The following EBF1 variants were observed in gnomAD, a reference collection of about 807,000 sequenced individuals.
EBF1 encodes transcription factor COE1.
In EBF1, 10 loss-of-function variants were observed where a neutral mutation model predicts 68.4. That is an observed-to-expected ratio of 0.15 (90% CI 0.09 to 0.25). EBF1 has a LOEUF of 0.25. Among genes scored for constraint, EBF1 ranks in the 10% least tolerant of loss-of-function variants. The pLI is 1.00. For missense variants in EBF1, 509 were observed against 794.4 expected (o/e 0.64, Z 4.32); for synonymous variants, 298 against 299.8 (o/e 0.99, Z 0.06).
At chr5:159,046,113 A>G (rs1408179823) in intron 6 of EBF1, among the ~76,000 whole-genome samples, 7 of 152,044 alleles carry the variant, frequency 4.6e-5, no homozygotes, top group East Asian at 1.9e-4. Flanking sequence ...GTCTAACTCA[A>G]ATATCCCTTC....
chr5:159,078,748 T>A (rs1422576309), intron 5 of EBF1, among the ~76,000 whole-genome samples: 4 of 152,210 alleles, frequency 2.6e-5, no homozygotes, highest in Admixed American at 2.0e-4. Flanking sequence ...GTACCTACAC[T>A]ACGGACCGAA....
rs950245 is a variant in EBF1 at position 158,765,340 on chromosome 5, C to T, written c.1036+12073G>A. On this transcript the variant is annotated intron_variant, in intron 10 of 15. Coordinates refer to ENST00000313708, the MANE Select transcript of EBF1 (RefSeq NM_024007.5). The stretch of plus-strand genomic sequence containing the variant: ...CTACAAGCTCAAAGAGTCATCCTGG[C>T]CTCATTGACTATTTTAAAAATCAAT... Among the ~76,000 whole-genome samples the T allele has an allele frequency of 5.9e-3, 904 of 152,200 alleles. 12 individuals carry two copies. The highest frequency in any genetic ancestry group is 0.021 in the African/African-American group (862 of 41,528).
chr5:158,738,854 T>C (rs1182510327), intron 10 of EBF1, among the ~76,000 whole-genome samples: 1 of 152,236 alleles, frequency 6.6e-6, no homozygotes, highest in African/African-American at 2.4e-5. Flanking sequence ...TTTTTGTTTT[T>C]GTTTTTACTA....
chr5:158,994,295 C>T (rs983582161), intron 6 of EBF1, among the ~76,000 whole-genome samples: 4 of 152,196 alleles, frequency 2.6e-5, no homozygotes, highest in Admixed American at 2.6e-4. Flanking sequence ...GTACAATGAG[C>T]GATCTGATTC....
At chr5:158,780,360 C>G (rs906119576) in intron 9 of EBF1, among the ~76,000 whole-genome samples, 1 of 152,070 alleles carries the variant, frequency 6.6e-6, no homozygotes, top group Non-Finnish European at 1.5e-5. Flanking sequence ...CCTGGTTGAA[C>G]CCAAGGCAGC....
At chr5:158,865,334 C>T (rs1457873996) in intron 6 of EBF1, among the ~76,000 whole-genome samples, 2 of 152,258 alleles carry the variant, frequency 1.3e-5, no homozygotes, top group African/African-American at 4.8e-5. Flanking sequence ...CCAGTCTGGG[C>T]CCTACCACTT....
In EBF1 at chr5:158,741,558, G is replaced by A. The variant is rs563458138; in HGVS notation, c.1037-10401C>T. 6.9e-5 allele frequency among the ~76,000 whole-genome samples: 10 copies of A among 144,800 alleles called. 1 individual carries two copies. In the South Asian group the frequency reaches 2.2e-3, roughly 32 times the overall value. 95.0% of individuals were successfully genotyped at this position (144,800 alleles called of 152,430 possible). A position where few individuals can be genotyped will look rare whatever the true frequency, so the allele number is the denominator to read the frequency against. On this transcript the variant is annotated intron_variant, in intron 10 of 15. Transcript: ENST00000313708. ...CTACTGCCCTCCAGCCTGGGTGACA[G>A]AGCAAGACCCTGTCTTTAAAAAAAA...
chr5:159,090,141 C>T lies in EBF1; in HGVS notation c.412-5402G>A, dbSNP rs532255644. On this transcript the variant is annotated intron_variant, in intron 4 of 15. Transcript: ENST00000313708. Reference sequence around the variant, plus strand: ...TCAACAAGCCTTTGGCAGCAAATTACCAAGAATTGAGCTAATCAAAAAATG... The same window carrying T: ...TCAACAAGCCTTTGGCAGCAAATTATCAAGAATTGAGCTAATCAAAAAATG... 4.5e-4 allele frequency among the ~76,000 whole-genome samples: 68 copies of T among 151,686 alleles called. 1 individual carries two copies. The Middle Eastern group carries it at 0.01, about 23-fold the overall frequency.
chr5:158,728,716 A>G (rs1380484176), intron 11 of EBF1, among the ~76,000 whole-genome samples: 1 of 152,046 alleles, frequency 6.6e-6, no homozygotes, highest in Non-Finnish European at 1.5e-5. Flanking sequence ...TGCACACACC[A>G]CCATGCCTAG....
intron 6 of EBF1, among the ~76,000 whole-genome samples, chr5:158,953,734 T>C (rs1322499906): frequency 6.6e-6 from 1 of 152,138 alleles, no homozygotes; most frequent in Non-Finnish European, 1.5e-5. Flanking sequence ...GGTAGAGATT[T>C]TTCAAGCCAG....
chr5:158,889,216 A>G (rs1057514530), intron 6 of EBF1, among the ~76,000 whole-genome samples: 1 of 152,186 alleles, frequency 6.6e-6, no homozygotes, highest in Non-Finnish European at 1.5e-5. Context: ...TTCAACAAGT[A>G]CTTGTGGAAT....
At chr5:158,741,398 G>T (rs1766372994) in intron 10 of EBF1, among the ~76,000 whole-genome samples, 1 of 151,944 alleles carries the variant, frequency 6.6e-6, no homozygotes, top group South Asian at 2.1e-4. Context: ...AATATAGTGA[G>T]ACCTCGTCTC....
chr5:158,729,214 G>A (rs1219698781), intron 11 of EBF1, among the ~76,000 whole-genome samples: 1 of 152,222 alleles, frequency 6.6e-6, no homozygotes, highest in Non-Finnish European at 1.5e-5. Flanking sequence ...GGACATTGAG[G>A]CACAGAGAGG....
chr5:158,777,376 CG>C lies in EBF1; in HGVS notation c.1036+36del, dbSNP rs761179935. On this transcript the variant is annotated intron_variant, in intron 10 of 15. Transcript: ENST00000313708. ...TAAGGGGAAAGACCCCACAAGACCA[CG>C]GCAGTTCTGTGCTCACCATGTGCTG... is the stretch of plus-strand genomic sequence containing the variant. The C allele has an allele frequency of 3.2e-6, 5 of 1,563,682 alleles. No homozygotes were observed. The Admixed American group carries it at 5.3e-5, about 17-fold the overall frequency.
chr5:158,707,360 G>C (rs377475651), intron 15 of EBF1, among the ~76,000 whole-genome samples: 2 of 152,334 alleles, frequency 1.3e-5, no homozygotes, highest in African/African-American at 2.4e-5. Context: ...GCAATGGTGG[G>C]AAAGCGATTG....
intron 6 of EBF1, among the ~76,000 whole-genome samples, chr5:159,005,105 G>A (rs936396834): frequency 9.9e-5 from 15 of 152,256 alleles, no homozygotes; most frequent in Admixed American, 1.3e-4. Context: ...GGAATCTGCC[G>A]GGGCTAGACC....
rs1158000932 is a variant in EBF1 at position 158,697,231 on chromosome 5, T to TA, written c.*1879dup. On this transcript the variant is annotated 3_prime_UTR_variant, in exon 16 of 16. Coordinates refer to ENST00000313708, the MANE Select transcript of EBF1 (RefSeq NM_024007.5). ...CCAAAGCAAAGGATACATTTTTTTT[T>TA]AAATCTACTGAACTAAATACTACAA... 2 of 192,234 alleles carry TA rather than the reference T, an allele frequency of 1.0e-5. No individual in the cohort carries two copies. Among genetic ancestry groups the TA allele is most frequent in the African/African-American group, 4.7e-5 (2 of 42,932 alleles). The allele number at this position is 192,234 out of a possible 1,614,324, so 11.9% of individuals were successfully genotyped here.
At chr5:158,813,039 T>C (rs113347819) in intron 8 of EBF1, among the ~76,000 whole-genome samples, 1 of 152,116 alleles carries the variant, frequency 6.6e-6, no homozygotes, top group Non-Finnish European at 1.5e-5. Flanking sequence ...AAAGAATTAT[T>C]ACTTCCCCCA....
chr5:158,888,833 T>C (rs942207627), intron 6 of EBF1, among the ~76,000 whole-genome samples: 3 of 151,798 alleles, frequency 2.0e-5, no homozygotes, highest in Non-Finnish European at 2.9e-5. Flanking sequence ...TAACCTAGGG[T>C]TCTCTTCCTC....
Sources: gnomAD v4.1 joint callset for allele counts (sites outside exome capture counted in the v4.1 genomes callset) on GRCh38, gnomAD v4.1.1 for gene constraint, MANE v1.5 for transcripts, NCBI Gene and HGNC (gene_info 2026-07-23, HGNC 2026-07-21) for gene names.